COG7: variants seen among roughly 807,000 people sequenced by gnomAD.
The protein encoded by COG7 is conserved oligomeric Golgi complex subunit 7.
A neutral mutation model predicts 91.5 loss-of-function variants in COG7; 49 were observed. The observed-to-expected ratio is 0.54, with a 90% CI of 0.43 to 0.68. The LOEUF is 0.68. Ranked by LOEUF, COG7 falls within the 30% of genes least tolerant of loss-of-function variation. The pLI is 0.00. For missense variants in COG7, 895 were observed against 961.3 expected (o/e 0.93, Z 0.91); for synonymous variants, 365 against 388.7 (o/e 0.94, Z 0.72).
chr16:23,410,358 A>G lies in COG7; in HGVS notation c.1412T>C (p.Ile471Thr). The change falls in exon 11 of 17, where the codon ATA (isoleucine) becomes ACA (threonine). Residue 471 changes from isoleucine to threonine, a missense_variant and splice_region_variant. Transcript: ENST00000307149. ...DWTAFQNSIRIIATCGELLRH... is the reference protein window; with the variant it reads ...DWTAFQNSIRTIATCGELLRH... ...CAAAAGCTCTCCACAGGTGGCTATTATCCTAAACAAAACAAAAAGCACTTC... is the reference window on the plus strand; with the variant it reads ...CAAAAGCTCTCCACAGGTGGCTATTGTCCTAAACAAAACAAAAAGCACTTC... The G allele has an allele frequency of 6.2e-7, 1 of 1,613,868 alleles. No homozygotes were observed. Among genetic ancestry groups the G allele is most frequent in the Non-Finnish European group, 8.5e-7 (1 of 1,179,862 alleles).
chr16:23,409,094 C>CATGTGT (rs1567333485), intron 11 of COG7, among the ~76,000 whole-genome samples: 1 of 90,184 alleles, frequency 1.1e-5, no homozygotes, highest in African/African-American at 5.2e-5. Context: ...TGTGTGCGTG[C>CATGTGT]ATGTGTGTGT....
intron 14 of COG7, among the ~76,000 whole-genome samples, chr16:23,396,915 C>CT (rs34219265): frequency 2.6e-5 from 4 of 151,194 alleles, no homozygotes; most frequent in African/African-American, 4.9e-5. Flanking sequence ...GTACTTTTTT[C>CT]TTTTTTTTTC....
intron 16 of COG7, chr16:23,390,272 G>C (rs1963171898): frequency 6.7e-6 from 1 of 148,684 alleles, no homozygotes; most frequent in Non-Finnish European, 1.5e-5. Flanking sequence ...CTGCGATCTC[G>C]GCTCACTGCA....
intron 1 of COG7, 138 bp from the exon 2 acceptor site, chr16:23,446,099 G>C: frequency 9.8e-7 from 1 of 1,022,758 alleles, no homozygotes; most frequent in Non-Finnish European, 1.4e-6. Flanking sequence ...ACGGTTTTTG[G>C]AGCCTGCAGA....
chr16:23,394,187 A>C (rs1300903706), intron 14 of COG7, among the ~76,000 whole-genome samples: 2 of 152,196 alleles, frequency 1.3e-5, no homozygotes, highest in Non-Finnish European at 2.9e-5. Context: ...TTTGGAGAAA[A>C]AACTATATTG....
intron 8 of COG7, 35 bp downstream of exon 8, chr16:23,418,665 G>A: frequency 6.2e-7 from 1 of 1,609,950 alleles, no homozygotes; most frequent in Non-Finnish European, 8.5e-7. Context: ...CTAACAGAAT[G>A]CTTCCTCAGT....
At chr16:23,412,056 T>G (rs1388252777) in intron 10 of COG7, among the ~76,000 whole-genome samples, 1 of 152,114 alleles carries the variant, frequency 6.6e-6, no homozygotes, top group Non-Finnish European at 1.5e-5. Flanking sequence ...AATTGTTGTA[T>G]TTTTAGTAGA....
chr16:23,389,070 C>G lies in COG7; in HGVS notation c.2163G>C (p.Val721=). 6.2e-7 allele frequency: 1 copy of G among 1,613,996 alleles called. No individual in the cohort carries two copies. The highest frequency in any genetic ancestry group is 8.5e-7 in the Non-Finnish European group (1 of 1,180,016). Residue 721 remains valine, a synonymous_variant, in exon 17 of 17, where the codon GTG becomes GTC. Coordinates refer to ENST00000307149, the MANE Select transcript of COG7 (RefSeq NM_153603.4). ...ACGGCTGCAGGCCCAGGGCATCCAT[C>G]ACGTTGATCAGATAGTCTGTGGGGG... is the stretch of plus-strand genomic sequence containing the variant. ...LATDIDYLIN[V]MDALGLQPSR...
At chr16:23,402,852 A>G (rs1963400114) in intron 13 of COG7, among the ~76,000 whole-genome samples, 1 of 152,234 alleles carries the variant, frequency 6.6e-6, no homozygotes, top group South Asian at 2.1e-4. Context: ...TGAGGGGGTG[A>G]GGCCTGACTG....
chr16:23,429,419 T>C (rs1244235550), intron 6 of COG7, among the ~76,000 whole-genome samples: 1 of 152,124 alleles, frequency 6.6e-6, no homozygotes, highest in Non-Finnish European at 1.5e-5. Flanking sequence ...TCAAAGCACC[T>C]TTATTCATAA....
At chr16:23,411,410 T>C (rs1438245679) in intron 10 of COG7, among the ~76,000 whole-genome samples, 1 of 152,216 alleles carries the variant, frequency 6.6e-6, no homozygotes, top group Non-Finnish European at 1.5e-5. Flanking sequence ...CCACTTCCCT[T>C]ACGTGCAACA....
chr16:23,433,107 G>GTTGT (rs529485743), intron 6 of COG7, among the ~76,000 whole-genome samples: 3 of 152,082 alleles, frequency 2.0e-5, no homozygotes, highest in Middle Eastern at 3.4e-3. Context: ...TTTTTCTTTT[G>GTTGT]TTGTTTGTTT....
At chr16:23,397,585 C>A (rs1963305775) in intron 14 of COG7, among the ~76,000 whole-genome samples, 1 of 152,188 alleles carries the variant, frequency 6.6e-6, no homozygotes, top group Non-Finnish European at 1.5e-5. Context: ...TGCAATTCTT[C>A]TGAAGAGATT....
chr16:23,398,081 C>T lies in COG7; in HGVS notation c.1852G>A (p.Ala618Thr), dbSNP rs145412851. 9.4e-4 allele frequency: 1,518 copies of T among 1,614,144 alleles called. 16 individuals are homozygous for T. The South Asian group carries it at 0.011, about 11-fold the overall frequency. Residue 618 changes from alanine to threonine, a missense_variant, in exon 14 of 17, where the codon GCC (alanine) becomes ACC (threonine). Coordinates refer to ENST00000307149, the MANE Select transcript of COG7 (RefSeq NM_153603.4). ...TACTCGAGAGGGGTGAGACTAAAGG[C>T]GGGCAGTTCATCTGTGAGGGTTTCT... ...IGETLTDELP[A>T]FSLTPLEYIS...
chr16:23,421,005 C>T (rs150345984), intron 7 of COG7, among the ~76,000 whole-genome samples: 225 of 150,622 alleles, frequency 1.5e-3, no homozygotes, highest in Non-Finnish European at 2.8e-3. Flanking sequence ...TCACCTTGGC[C>T]TCCCAAAGTG....
chr16:23,398,064 A>C lies in COG7; in HGVS notation c.1869T>G (p.Pro623=). 3 of 1,614,094 alleles carry C rather than the reference A, an allele frequency of 1.9e-6. No individual in the cohort carries two copies. The highest frequency in any genetic ancestry group is 2.5e-6 in the Non-Finnish European group (3 of 1,179,980). Residue 623 remains proline (P), a synonymous_variant, in exon 14 of 17, where the codon CCT becomes CCG. Transcript: ENST00000307149. Reference sequence around the variant, plus strand: ...CTCTTACGTTGCTGATGTACTCGAGAGGGGTGAGACTAAAGGCGGGCAGTT... The same window carrying C: ...CTCTTACGTTGCTGATGTACTCGAGCGGGGTGAGACTAAAGGCGGGCAGTT... The part of the protein sequence containing the change: ...TDELPAFSLT[P]LEYISNIGQY...
chr16:23,453,122 G>C lies in COG7; in HGVS notation c.-128C>G. 1.3e-6 allele frequency: 2 copies of C among 1,502,306 alleles called. No homozygotes were observed. The highest frequency in any genetic ancestry group is 1.8e-6 in the Non-Finnish European group (2 of 1,122,368). The allele number at this position is 1,502,306 out of a possible 1,614,324, so 93.1% of individuals were successfully genotyped here. Reference sequence around the variant, plus strand: ...TCCGAGGCGAACCCCAGAAACGCCAGGACGGGTAACTTGCCCCTTTGCGCT... The same window carrying C: ...TCCGAGGCGAACCCCAGAAACGCCACGACGGGTAACTTGCCCCTTTGCGCT... On this transcript the variant is annotated 5_prime_UTR_variant, in exon 1 of 17. Coordinates refer to ENST00000307149, the MANE Select transcript of COG7 (RefSeq NM_153603.4).
At chr16:23,391,993 A>G in intron 16 of COG7, 1 of 1,174,116 alleles carries the variant, frequency 8.5e-7, no homozygotes, top group Non-Finnish European at 1.1e-6. Flanking sequence ...ACATAAGACG[A>G]TGGGTGCGAG....
chr16:23,392,006 C>A (rs749799699), intron 16 of COG7: 3 of 1,189,430 alleles, frequency 2.5e-6, no homozygotes, highest in Non-Finnish European at 3.2e-6. Context: ...GGTGCGAGTG[C>A]TTGGTCCAGC....
Sources: allele counts gnomAD v4.1 joint callset (sites outside exome capture counted in the v4.1 genomes callset), GRCh38; gene constraint gnomAD v4.1.1; transcripts MANE v1.5; gene names NCBI Gene and HGNC (gene_info 2026-07-23, HGNC 2026-07-21).